Variants in ABCG1 observed in about 807,000 individuals in gnomAD.
ABCG1 encodes ATP-binding cassette sub-family G member 1.
In ABCG1, 29 loss-of-function variants were observed where a neutral mutation model predicts 69.2. The ratio of observed to expected loss-of-function variants is 0.42; its 90% confidence interval spans 0.31 to 0.57. ABCG1 has a LOEUF of 0.57. ABCG1 is among the 20% of genes least tolerant of loss of function. The pLI is 0.15. For missense variants in ABCG1, 718 were observed against 898.1 expected (o/e 0.80, Z 2.56); for synonymous variants, 370 against 374.8 (o/e 0.99, Z 0.15).
chr21:42,233,711 G>A (rs1315591274), intron 2 of ABCG1, among the ~76,000 whole-genome samples: 3 of 152,234 alleles, frequency 2.0e-5, no homozygotes, highest in Non-Finnish European at 2.9e-5. Flanking sequence ...TGCAGGAAAT[G>A]AGGTCAGAGT....
chr21:42,260,055 G>A (rs555935816), intron 2 of ABCG1: 18 of 1,550,478 alleles, frequency 1.2e-5, no homozygotes, highest in South Asian at 9.5e-5. Flanking sequence ...GGGGGTGGTC[G>A]CTATCAGTGG....
chr21:42,226,303 C>A (rs912068835), intron 2 of ABCG1, among the ~76,000 whole-genome samples: 4 of 152,062 alleles, frequency 2.6e-5, no homozygotes, highest in African/African-American at 9.7e-5. Flanking sequence ...GGGACAGGTG[C>A]CCCCCTCCCA....
At chr21:42,294,848 A>C in intron 14 of ABCG1, 188 bp downstream of exon 14, 1 of 581,100 alleles carries the variant, frequency 1.7e-6, no homozygotes, top group Non-Finnish European at 3.1e-6. Context: ...ACACACACAC[A>C]CTAAACAAGG....
intron 2 of ABCG1, among the ~76,000 whole-genome samples, chr21:42,241,822 A>T (rs1384422243): frequency 1.7e-4 from 8 of 46,688 alleles, no homozygotes; most frequent in African/African-American, 2.5e-4. Flanking sequence ...ATCTCTATTA[A>T]AAAAAAAAAA....
At chr21:42,256,506 A>G (rs1406159730) in intron 2 of ABCG1, 1 of 1,549,634 alleles carries the variant, frequency 6.5e-7, no homozygotes, top group South Asian at 1.2e-5. Context: ...GCTCCAGGTC[A>G]CCTGCGTGCC....
intron 3 of ABCG1, among the ~76,000 whole-genome samples, chr21:42,272,162 G>C (rs1037133715): frequency 6.6e-6 from 1 of 152,180 alleles, no homozygotes; most frequent in African/African-American, 2.4e-5. Context: ...CCAGAAATTG[G>C]GGTTTGAAAA....
chr21:42,215,637 C>T (rs1050221029), upstream of ABCG1, among the ~76,000 whole-genome samples: 13 of 152,118 alleles, frequency 8.5e-5, no homozygotes, highest in Non-Finnish European at 1.3e-4. Context: ...ATGAGGGACA[C>T]GAGGAACTGG....
Position 42,276,819 on chromosome 21 carries a change from T to A in ABCG1, c.538-76T>A, listed in dbSNP as rs1422256698. The A allele has an allele frequency of 6.8e-7, 1 of 1,478,068 alleles. No individual in the cohort carries two copies. The highest frequency in any genetic ancestry group is 9.4e-7 in the Non-Finnish European group (1 of 1,060,224). The allele number at this position is 1,478,068 out of a possible 1,614,324, so 91.6% of individuals were successfully genotyped here. A position where few individuals can be genotyped will look rare whatever the true frequency, so the allele number is the denominator to read the frequency against. ...CATCTTGGCTAGCTGCACCGTGGCC[T>A]GCAGTGCGGGCATGAGGCTCACACT... is the stretch of plus-strand genomic sequence containing the variant. On this transcript the variant is annotated intron_variant, in intron 4 of 14. Coordinates refer to ENST00000398449, the MANE Select transcript of ABCG1 (RefSeq NM_016818.3). This position sits in a 1 kb window ranked among gnomAD's most constrained non-coding sequence, Gnocchi z 5.3.
rs747209701 is a variant in ABCG1, at chr21:42,291,052, A to T, written c.1394-40A>T. On this transcript the variant is annotated intron_variant, in intron 11 of 14. Coordinates refer to ENST00000398449, the MANE Select transcript of ABCG1 (RefSeq NM_016818.3). The surrounding 1 kb of genome is among the most constrained non-coding windows in gnomAD (Gnocchi z 6.4). ...GGGATGTTAAACGGGCTCGCTGCAC[A>T]TGGTCACTGACCCTTCTTTTTTGCT... The T allele has an allele frequency of 6.6e-7, 1 of 1,511,914 alleles. No individual in the cohort carries two copies. Among genetic ancestry groups the T allele is most frequent in the African/African-American group, 1.4e-5 (1 of 72,878 alleles). 93.7% of individuals were successfully genotyped at this position (1,511,914 alleles called of 1,614,324 possible).
At chr21:42,258,587 G>C (rs1026458251) in intron 2 of ABCG1, among the ~76,000 whole-genome samples, 2 of 149,124 alleles carry the variant, frequency 1.3e-5, no homozygotes, top group Non-Finnish European at 3.0e-5. Context: ...CTGTGTATCC[G>C]GTTGAATTTT....
Position 42,291,347 on chromosome 21 carries a change from C to T in ABCG1, c.1495-151C>T. On this transcript the variant is annotated intron_variant, in intron 12 of 14. Transcript: ENST00000398449. This position sits in a 1 kb window ranked among gnomAD's most constrained non-coding sequence, Gnocchi z 6.4. ...GCGGGGAAGGGCCTGACTTCGGGAG[C>T]TGTGGCGGGAGCTGTGGGGAGTGGG... The T allele has an allele frequency of 1.7e-6, 2 of 1,205,862 alleles. No individual in the cohort carries two copies. The highest frequency in any genetic ancestry group is 2.3e-6 in the Non-Finnish European group (2 of 856,160). The allele number at this position is 1,205,862 out of a possible 1,614,324, so 74.7% of individuals were successfully genotyped here.
At chr21:42,207,612 A>T (rs2067553275) in intron 2 of ABCG1, among the ~76,000 whole-genome samples, 1 of 152,238 alleles carries the variant, frequency 6.6e-6, no homozygotes, top group Non-Finnish European at 1.5e-5. Context: ...CTTCTCTGAC[A>T]TCACTGTGGG....
chr21:42,259,496 T>A (rs1361326316), intron 2 of ABCG1: 3 of 1,547,534 alleles, frequency 1.9e-6, no homozygotes, highest in Non-Finnish European at 1.7e-6. Flanking sequence ...CATCCAACCG[T>A]CCACTCAAGG....
At chr21:42,245,638 C>T (rs1460337420) in intron 2 of ABCG1, among the ~76,000 whole-genome samples, 5 of 152,302 alleles carry the variant, frequency 3.3e-5, no homozygotes, top group African/African-American at 1.2e-4. Flanking sequence ...CAGGGAATGG[C>T]CCAGAAGGCT....
chr21:42,289,159 A>T (rs2069006193), intron 10 of ABCG1, among the ~76,000 whole-genome samples: 1 of 152,198 alleles, frequency 6.6e-6, no homozygotes, highest in Admixed American at 6.5e-5. Context: ...GTAATGCTGC[A>T]GTAACAAACA....
intron 5 of ABCG1, among the ~76,000 whole-genome samples, chr21:42,279,621 T>C (rs1443479342): frequency 6.6e-6 from 1 of 152,208 alleles, no homozygotes; most frequent in Non-Finnish European, 1.5e-5. Context: ...ATGGAGCCCA[T>C]GTGATCCATA....
chr21:42,202,121 C>T (rs551410002), intron 2 of ABCG1, among the ~76,000 whole-genome samples: 1 of 152,318 alleles, frequency 6.6e-6, no homozygotes, highest in East Asian at 1.9e-4. Context: ...GATGGATCCC[C>T]ACCCCTGGAC....
At chr21:42,294,076 G>A (rs1002319088) in intron 13 of ABCG1, among the ~76,000 whole-genome samples, 5 of 152,018 alleles carry the variant, frequency 3.3e-5, no homozygotes, top group South Asian at 2.1e-4. Context: ...CGGTTGCTTC[G>A]GTCTCTGGGC....
At chr21:42,266,689 C>A (rs1057157048) in intron 2 of ABCG1, among the ~76,000 whole-genome samples, 1 of 152,206 alleles carries the variant, frequency 6.6e-6, no homozygotes, top group African/African-American at 2.4e-5. Context: ...CCTTGCTAAG[C>A]TCCCATATTT....
Sources: allele counts gnomAD v4.1 joint callset (sites outside exome capture counted in the v4.1 genomes callset), GRCh38; gene constraint gnomAD v4.1.1; non-coding constraint Gnocchi (gnomAD v3.1); transcripts MANE v1.5; gene names NCBI Gene and HGNC (gene_info 2026-07-23, HGNC 2026-07-21).